PTPRK: variants seen among roughly 807,000 people sequenced by gnomAD.
The protein encoded by PTPRK is protein tyrosine phosphatase receptor type K, also known as receptor-type tyrosine-protein phosphatase kappa.
PTPRK carries 75 observed loss-of-function variants against 178.0 expected under a neutral mutation model. The ratio of observed to expected loss-of-function variants is 0.42; its 90% CI spans 0.35 to 0.51. PTPRK has a LOEUF of 0.51. Among genes scored for constraint, PTPRK ranks in the 20% least tolerant of loss-of-function variants. The pLI, the probability that PTPRK is intolerant of heterozygous loss-of-function variation, is 0.02. For missense variants in PTPRK, 1,441 were observed against 1,797.8 expected, an observed-to-expected ratio of 0.80 and a Z score of 3.59; for synonymous variants, 637 against 620.6, an observed-to-expected ratio of 1.03 and a Z score of -0.39.
intron 6 of PTPRK, among the ~76,000 whole-genome samples, chr6:128,189,182 G>T (rs1803288601): frequency 6.7e-6 from 1 of 149,928 alleles, no homozygotes; most frequent in Admixed American, 6.6e-5. Context: ...GTCCAGAGTA[G>T]CAGATTATTT....
At chr6:127,977,136 A>G in intron 25 of PTPRK, 82 bp from the exon 26 acceptor site, 1 of 1,385,354 alleles carries the variant, frequency 7.2e-7, no homozygotes, top group Non-Finnish European at 1.0e-6. Flanking sequence ...ATACACTTCA[A>G]TGTAGGACCA....
chr6:128,103,335 A>C (rs539776351), intron 7 of PTPRK, among the ~76,000 whole-genome samples: 48 of 152,206 alleles, frequency 3.2e-4, no homozygotes, highest in African/African-American at 8.9e-4. Context: ...GTGTGACCTG[A>C]TTCTTCCTGG....
intron 13 of PTPRK, among the ~76,000 whole-genome samples, chr6:128,043,037 T>C (rs1405606795): frequency 6.6e-6 from 1 of 152,066 alleles, no homozygotes; most frequent in Non-Finnish European, 1.5e-5. Context: ...ATTTAGACTT[T>C]ACTGTTGATA....
At chr6:128,510,096 G>A (rs530626706) in intron 1 of PTPRK, among the ~76,000 whole-genome samples, 68 of 152,250 alleles carry the variant, frequency 4.5e-4, no homozygotes, top group Non-Finnish European at 6.8e-4. Context: ...AAAAGTGTAC[G>A]AAAACAAGCC....
At chr6:128,080,367 A>G (rs1203935189) in intron 10 of PTPRK, among the ~76,000 whole-genome samples, 2 of 152,066 alleles carry the variant, frequency 1.3e-5, no homozygotes, top group Non-Finnish European at 2.9e-5. Context: ...CAAGATTGCG[A>G]AAATATTTAA....
chr6:128,133,198 T>C (rs1794518082), intron 7 of PTPRK, among the ~76,000 whole-genome samples: 3 of 152,352 alleles, frequency 2.0e-5, no homozygotes, highest in Middle Eastern at 6.8e-3. Context: ...TGATACTATA[T>C]AACAATATTA....
chr6:128,513,350 T>C (rs1293737801), intron 1 of PTPRK, among the ~76,000 whole-genome samples: 1 of 151,658 alleles, frequency 6.6e-6, no homozygotes, highest in East Asian at 1.9e-4. Flanking sequence ...CTGGGCATGG[T>C]GGCGCACCTG....
intron 3 of PTPRK, among the ~76,000 whole-genome samples, chr6:128,261,035 G>T (rs55958764): frequency 0.051 from 7,683 of 151,488 alleles, 649 homozygotes; most frequent in African/African-American, 0.18. Context: ...AATAGTTTCT[G>T]TTTTACCCCT....
At chr6:128,303,403 C>T (rs933440021) in intron 3 of PTPRK, among the ~76,000 whole-genome samples, 6 of 152,130 alleles carry the variant, frequency 3.9e-5, no homozygotes, top group African/African-American at 1.4e-4. Flanking sequence ...ATGAGAAGCC[C>T]TTAGGGAGTG....
Position 128,089,846 on chromosome 6 carries a change from C to T in PTPRK, c.1309G>A (p.Glu437Lys), listed in dbSNP as rs759799993. ...ICYHYFRGHN[E>K]SKADCLDMDP... The stretch of plus-strand genomic sequence containing the variant: ...ATGTCCAAACAGTCTGCCTTGCTCT[C>T]GTTGTGACCACGGAAGTAATGGTAG... Residue 437 changes from glutamate (E) to lysine (K), a missense_variant, in exon 8 of 30, where the codon GAG (glutamate) becomes AAG (lysine). Glu to Lys is a moderately conservative substitution (Grantham distance 56). Around this residue, in one of 4 missense-constraint regions of PTPRK, gnomAD observed 945 missense variants for 1,080.6 expected, o/e 0.87. Transcript: ENST00000368226. 6.8e-6 allele frequency: 11 copies of T among 1,614,098 alleles called. No homozygotes were observed. Among genetic ancestry groups the T allele is most frequent in the Admixed American group, 5.0e-5 (3 of 60,026 alleles).
At chr6:128,288,460 A>T (rs1365300265) in intron 3 of PTPRK, among the ~76,000 whole-genome samples, 3 of 152,100 alleles carry the variant, frequency 2.0e-5, no homozygotes, top group Non-Finnish European at 2.9e-5. Flanking sequence ...AATCATTTTC[A>T]ATTTGTGTGC....
At chr6:128,198,473 G>C (rs543511264) in intron 6 of PTPRK, among the ~76,000 whole-genome samples, 1 of 152,184 alleles carries the variant, frequency 6.6e-6, no homozygotes, top group East Asian at 1.9e-4. Context: ...GGCCTGTTGT[G>C]GGGGTAGGGG....
In PTPRK at chr6:128,184,548, T is replaced by C. The variant is rs1354605817; in HGVS notation, c.1046A>G (p.Lys349Arg). 1 of 1,613,948 alleles carries C rather than the reference T, an allele frequency of 6.2e-7. No homozygotes were observed. The highest frequency in any genetic ancestry group is 8.5e-7 in the Non-Finnish European group (1 of 1,179,914). Residue 349 changes from lysine to arginine, a missense_variant, in exon 7 of 30, where the codon AAA becomes AGA. Around this residue, in one of 4 missense-constraint regions of PTPRK, gnomAD observed 945 missense variants for 1,080.6 expected, o/e 0.87. Coordinates refer to ENST00000368226, the MANE Select transcript of PTPRK (RefSeq NM_002844.4). ...GGTATCTGGATCTAAATGCCATAAT[T>C]TGTAAGTTGGAGCATTGACTGCATG... ...ETHAVNAPTY[K>R]LWHLDPDTEY... is the part of the protein sequence containing the mutation.
At chr6:128,461,347 C>T (rs1849028186) in intron 1 of PTPRK, among the ~76,000 whole-genome samples, 1 of 151,866 alleles carries the variant, frequency 6.6e-6, no homozygotes, top group Admixed American at 6.6e-5. Flanking sequence ...CTATAAAATG[C>T]ATTAAAAGGA....
At chr6:128,098,720 C>T (rs573564877) in intron 7 of PTPRK, among the ~76,000 whole-genome samples, 6 of 152,208 alleles carry the variant, frequency 3.9e-5, no homozygotes, top group African/African-American at 1.4e-4. Flanking sequence ...GTGATATCTA[C>T]ACTAAAATAG....
At chr6:128,281,536 T>A (rs541251780) in intron 3 of PTPRK, among the ~76,000 whole-genome samples, 12 of 152,216 alleles carry the variant, frequency 7.9e-5, no homozygotes, top group African/African-American at 2.6e-4. Context: ...CTATTCTCTG[T>A]CTTAGAAACC....
intron 6 of PTPRK, among the ~76,000 whole-genome samples, chr6:128,190,862 T>G (rs1298284232): frequency 6.6e-6 from 1 of 152,152 alleles, no homozygotes; most frequent in African/African-American, 2.4e-5. Context: ...CAAATAAAGT[T>G]AATGCTAAGA....
chr6:128,175,560 G>A (rs547143481), intron 7 of PTPRK, among the ~76,000 whole-genome samples: 46 of 151,704 alleles, frequency 3.0e-4, no homozygotes, highest in African/African-American at 1.1e-3. Flanking sequence ...AGAAACAAAG[G>A]AAATGGGTTG....
At chr6:128,262,820 T>C (rs188266391) in intron 3 of PTPRK, among the ~76,000 whole-genome samples, 1 of 149,820 alleles carries the variant, frequency 6.7e-6, no homozygotes, top group African/African-American at 2.5e-5. Flanking sequence ...TTTTTTTTTT[T>C]TCCCAAGAAT....
Sources: gnomAD v4.1 joint callset for allele counts (sites outside exome capture counted in the v4.1 genomes callset) on GRCh38, gnomAD v4.1.1 for gene constraint, gnomAD v4.1.1 regional missense constraint, MANE v1.5 for transcripts, NCBI Gene and HGNC (gene_info 2026-07-23, HGNC 2026-07-21) for gene names.